Variants in ADGRE3 observed in about 807,000 individuals in gnomAD.
ADGRE3 encodes the protein adhesion G protein-coupled receptor E3.
ADGRE3 carries 88 observed loss-of-function variants against 80.1 expected under a neutral mutation model. That is an observed-to-expected ratio of 1.10 (90% CI 0.93 to 1.31). ADGRE3 has a LOEUF of 1.31. ADGRE3 is among the 40% of genes most tolerant of loss of function. The pLI is 0.00. For missense variants in ADGRE3, 715 were observed against 776.5 expected (o/e 0.92, Z 0.94); for synonymous variants, 281 against 294.8 (o/e 0.95, Z 0.48).
At chr19:14,606,453 T>C in the ADGRE3 span, among the ~76,000 whole-genome samples, 1 of 149,878 alleles carries the variant, frequency 6.7e-6, no homozygotes, top group Non-Finnish European at 1.5e-5. Flanking sequence ...CTGAGGCAGG[T>C]GAATCAACTG....
chr19:14,639,589 T>G (rs991845704), intron 10 of ADGRE3, among the ~76,000 whole-genome samples: 10 of 151,182 alleles, frequency 6.6e-5, no homozygotes, highest in Non-Finnish European at 1.5e-4. Context: ...ATTTTTTTTG[T>G]TTTTTTTGTA....
At chr19:14,617,970 A>G (rs999246784), downstream of ADGRE3, among the ~76,000 whole-genome samples, 4 of 152,144 alleles carry the variant, frequency 2.6e-5, no homozygotes, top group East Asian at 1.9e-4. Flanking sequence ...ATTAAGTTCC[A>G]TAGAACTAGA....
rs377132894 is a variant in ADGRE3, at chr19:14,633,058, T to C, written c.1552-46A>G. Reference sequence around the variant, plus strand: ...AGGCAGAGTGCAAGTTAAAGTAATGTATGGTGTCCACTTTAAATTGCACAC... The same window carrying C: ...AGGCAGAGTGCAAGTTAAAGTAATGCATGGTGTCCACTTTAAATTGCACAC... On this transcript the variant is annotated intron_variant, in intron 12 of 15. Coordinates refer to ENST00000253673, the MANE Select transcript of ADGRE3 (RefSeq NM_032571.5). 10 of 1,462,038 alleles carry C rather than the reference T, an allele frequency of 6.8e-6. No individual in the cohort carries two copies. The African/African-American group carries it at 9.8e-5, about 14-fold the overall frequency. The allele number at this position is 1,462,038 out of a possible 1,614,324, so 90.6% of individuals were successfully genotyped here.
At chr19:14,637,449 A>G (rs1286751306) in intron 11 of ADGRE3, among the ~76,000 whole-genome samples, 1 of 145,412 alleles carries the variant, frequency 6.9e-6, no homozygotes. Flanking sequence ...GCTGGAATGT[A>G]GTGGCCTGAG....
At chr19:14,662,181 T>C in intron 3 of ADGRE3, 63 bp from the exon 4 acceptor site, 1 of 1,524,910 alleles carries the variant, frequency 6.6e-7, no homozygotes, top group East Asian at 2.3e-5. Flanking sequence ...AGCTACTATG[T>C]GTCAGGAGTT....
At chr19:14,624,852 G>C (rs187453357) in intron 15 of ADGRE3, among the ~76,000 whole-genome samples, 1 of 152,134 alleles carries the variant, frequency 6.6e-6, no homozygotes, top group Admixed American at 6.6e-5. Flanking sequence ...GTTCTCACTT[G>C]TAAGTGGGAG....
chr19:14,603,587 G>A, the ADGRE3 span, among the ~76,000 whole-genome samples: 13 of 152,028 alleles, frequency 8.6e-5, no homozygotes, highest in Non-Finnish European at 1.8e-4. Context: ...AGCCTCCCAA[G>A]TAACTGGGAC....
chr19:14,659,809 A>C (rs1971886497), intron 4 of ADGRE3, among the ~76,000 whole-genome samples: 1 of 108,536 alleles, frequency 9.2e-6, no homozygotes. Context: ...AGACAGAGCG[A>C]GACTCTGCCT....
intron 14 of ADGRE3, among the ~76,000 whole-genome samples, chr19:14,629,381 T>C (rs1970818683): frequency 1.3e-5 from 2 of 152,192 alleles, no homozygotes; most frequent in South Asian, 4.1e-4. Flanking sequence ...CACTCCTTTG[T>C]AGTTGTATTA....
Position 14,636,070 on chromosome 19 carries a change from C to CTTT in ADGRE3, c.1484+2034_1484+2035insAAA, listed in dbSNP as rs1568481077. Among the ~76,000 whole-genome samples the CTTT allele has an allele frequency of 9.0e-4, 93 of 103,252 alleles. 3 individuals carry two copies. The highest frequency in any genetic ancestry group is 2.0e-3 in the Admixed American group (19 of 9,346). 67.7% of individuals were successfully genotyped at this position (103,252 alleles called of 152,430 possible). ...CTTCCTTCCTTCCTTCCTTTCCTTT[C>CTTT]CTTTCCTTTCCCTTTCTTTCTTTCT... is the stretch of plus-strand genomic sequence containing the variant. On this transcript the variant is annotated intron_variant, in intron 11 of 15. Transcript: ENST00000253673.
chr19:14,617,374 CTTCCTTT>C (rs1568469560), downstream of ADGRE3, among the ~76,000 whole-genome samples: 5 of 95,654 alleles, frequency 5.2e-5, no homozygotes, highest in African/African-American at 2.2e-4. Context: ...TTCTTTCTTT[CTTCCTTT>C]CTTTCTTTCT....
At chr19:14,615,836 T>C (rs143484853), downstream of ADGRE3, among the ~76,000 whole-genome samples, 1 of 152,048 alleles carries the variant, frequency 6.6e-6, no homozygotes, top group East Asian at 1.9e-4. Flanking sequence ...CATAGCTCAC[T>C]GCAACATTGA....
chr19:14,630,393 C>CTTATT (rs55760456), intron 13 of ADGRE3, among the ~76,000 whole-genome samples, 186 bp from the exon 14 acceptor site: 23,434 of 148,502 alleles, frequency 0.16, 2,019 homozygotes, highest in African/African-American at 0.2. Flanking sequence ...GCTCCCTCAT[C>CTTATT]TTATTTTATT....
intron 14 of ADGRE3, 92 bp from the exon 15 acceptor site, chr19:14,625,691 T>C (rs1213016791): frequency 1.4e-6 from 1 of 729,136 alleles, no homozygotes; most frequent in African/African-American, 1.8e-5. Context: ...AGAGATGTAT[T>C]ATTATTTATT....
chr19:14,651,834 G>C (rs1417132750), intron 6 of ADGRE3, among the ~76,000 whole-genome samples: 1 of 152,148 alleles, frequency 6.6e-6, no homozygotes, highest in East Asian at 1.9e-4. Context: ...TTGAGGCCAG[G>C]AGTTCAAGAC....
At chr19:14,629,527 C>T (rs1192140373) in intron 14 of ADGRE3, among the ~76,000 whole-genome samples, 2 of 152,054 alleles carry the variant, frequency 1.3e-5, no homozygotes, top group Non-Finnish European at 2.9e-5. Context: ...CCAGTAGGGT[C>T]TGCCTCTTTG....
intron 7 of ADGRE3, among the ~76,000 whole-genome samples, chr19:14,648,477 C>A (rs1427913608): frequency 6.6e-6 from 1 of 152,156 alleles, no homozygotes; most frequent in Non-Finnish European, 1.5e-5. Flanking sequence ...CCCCAGGTAC[C>A]CCAACAGCAA....
intron 14 of ADGRE3, among the ~76,000 whole-genome samples, chr19:14,629,367 G>A (rs1486646764): frequency 1.3e-5 from 2 of 152,012 alleles, no homozygotes; most frequent in East Asian, 1.9e-4. Context: ...TGATCTCCAC[G>A]ATTCACTCCT....
At chr19:14,653,309 C>T (rs930263576) in intron 6 of ADGRE3, among the ~76,000 whole-genome samples, 1 of 151,900 alleles carries the variant, frequency 6.6e-6, no homozygotes, top group African/African-American at 2.4e-5. Flanking sequence ...ATTATATTAT[C>T]GCTTGTTACT....
Sources: gnomAD v4.1 joint callset for allele counts (sites outside exome capture counted in the v4.1 genomes callset) on GRCh38, gnomAD v4.1.1 for gene constraint, MANE v1.5 for transcripts, NCBI Gene and HGNC (gene_info 2026-07-23, HGNC 2026-07-21) for gene names.